The following RGS6 variants were observed in gnomAD, a reference collection of about 807,000 sequenced individuals.
RGS6 encodes the protein regulator of G-protein signaling 6.
RGS6 carries 30 observed loss-of-function variants against 78.5 expected under a neutral mutation model. That is an observed-to-expected ratio of 0.38 (90% CI 0.29 to 0.52). RGS6 has a LOEUF of 0.52. Ranked by LOEUF, RGS6 falls within the 20% of genes least tolerant of loss-of-function variation. The pLI, the probability that RGS6 is intolerant of heterozygous loss-of-function variation, is 0.85. For synonymous variants in RGS6, 206 were observed against 206.0 expected (o/e 1.00, Z 0.00); for missense variants, 495 against 609.7 (o/e 0.81, Z 1.98).
chr14:71,937,325 G>T (rs1336203373), intron 1 of RGS6, among the ~76,000 whole-genome samples: 2 of 152,162 alleles, frequency 1.3e-5, no homozygotes, highest in African/African-American at 4.8e-5. Context: ...TAATGTCTTG[G>T]GAACAGGAAG....
At chr14:72,275,681 TTC>T (rs2060559546) in intron 2 of RGS6, among the ~76,000 whole-genome samples, 1 of 152,232 alleles carries the variant, frequency 6.6e-6, no homozygotes, top group South Asian at 2.1e-4. Flanking sequence ...AGCATCCCAT[TTC>T]TCTTTCTGTC....
In RGS6 at chr14:72,259,087, C is replaced by T. The variant is rs115479952; in HGVS notation, c.85-93008C>T. The stretch of plus-strand genomic sequence containing the variant: ...CTGCAAAAGAGGACATTGCATGGTA[C>T]AGCCTATAGTGTCTGCTACACAGAG... On this transcript the variant is annotated intron_variant, in intron 2 of 17. Coordinates refer to ENST00000553525, the MANE Select transcript of RGS6 (RefSeq NM_001204424.2). Among the ~76,000 whole-genome samples the T allele has an allele frequency of 2.2e-3, 335 of 152,268 alleles. 2 individuals carry two copies. Among genetic ancestry groups the T allele is most frequent in the African/African-American group, 7.6e-3 (316 of 41,552 alleles).
intron 2 of RGS6, among the ~76,000 whole-genome samples, chr14:72,277,737 G>T (rs369602387): frequency 6.6e-6 from 1 of 152,064 alleles, no homozygotes; most frequent in Admixed American, 6.6e-5. Flanking sequence ...AGACCAGCCT[G>T]GTCGACATGG....
At chr14:71,867,936 G>A in the RGS6 span, among the ~76,000 whole-genome samples, 1 of 152,080 alleles carries the variant, frequency 6.6e-6, no homozygotes, top group Non-Finnish European at 1.5e-5. Flanking sequence ...TCCTCTTAAG[G>A]GACTCCACAT....
chr14:72,137,579 A>T (rs546589340), intron 2 of RGS6, among the ~76,000 whole-genome samples: 82 of 152,366 alleles, frequency 5.4e-4, no homozygotes, highest in Non-Finnish European at 8.8e-4. Context: ...TTAATTTGCT[A>T]GAGTGGCTCA....
the RGS6 span, among the ~76,000 whole-genome samples, chr14:72,626,925 C>CT: frequency 0.022 from 3,075 of 139,650 alleles, 71 homozygotes; most frequent in African/African-American, 0.055. Context: ...TGCATTTGAA[C>CT]TTTTTTTTTT....
At chr14:71,982,729 G>A (rs1045156555) in intron 2 of RGS6, among the ~76,000 whole-genome samples, 1 of 152,190 alleles carries the variant, frequency 6.6e-6, no homozygotes, top group Non-Finnish European at 1.5e-5. Flanking sequence ...TCCAATTGCT[G>A]GGCTCATCTT....
intron 2 of RGS6, among the ~76,000 whole-genome samples, chr14:72,281,138 A>G (rs1393620202): frequency 1.3e-5 from 2 of 150,972 alleles, no homozygotes; most frequent in African/African-American, 2.5e-5. Context: ...GAAGTGAAAC[A>G]AGATTCTTTT....
At chr14:71,999,709 TC>T (rs1322169867) in intron 2 of RGS6, among the ~76,000 whole-genome samples, 1 of 152,104 alleles carries the variant, frequency 6.6e-6, no homozygotes, top group East Asian at 1.9e-4. Flanking sequence ...GTGTAGCACT[TC>T]CCCTCTCTCT....
At chr14:72,381,900 A>G (rs1031795165) in intron 3 of RGS6, among the ~76,000 whole-genome samples, 7 of 151,612 alleles carry the variant, frequency 4.6e-5, no homozygotes, top group Admixed American at 4.6e-4. Context: ...AACGTCCTCT[A>G]TTGTTCGGAA....
intron 13 of RGS6, among the ~76,000 whole-genome samples, chr14:72,496,459 T>G (rs945591527): frequency 1.3e-5 from 2 of 152,212 alleles, no homozygotes; most frequent in African/African-American, 4.8e-5. Context: ...AAGCAAGAAC[T>G]GCACAAAAAT....
chr14:71,967,501 A>G (rs1165215341), intron 2 of RGS6, among the ~76,000 whole-genome samples: 1 of 152,204 alleles, frequency 6.6e-6, no homozygotes, highest in African/African-American at 2.4e-5. Flanking sequence ...AGCCAATGAC[A>G]ATTCAAAGCA....
intron 3 of RGS6, among the ~76,000 whole-genome samples, chr14:72,415,383 T>C (rs1338936050): frequency 2.0e-5 from 3 of 152,226 alleles, no homozygotes; most frequent in Admixed American, 6.5e-5. Flanking sequence ...GTTAAGCCCG[T>C]TGGAAAAGGG....
chr14:71,893,429 G>A, the RGS6 span, among the ~76,000 whole-genome samples: 1 of 152,186 alleles, frequency 6.6e-6, no homozygotes, highest in Non-Finnish European at 1.5e-5. Flanking sequence ...GGATTTTTGT[G>A]ACCCTGCTTT....
intron 2 of RGS6, among the ~76,000 whole-genome samples, chr14:71,995,532 T>C (rs74060440): frequency 0.25 from 37,586 of 152,116 alleles, 4,753 homozygotes; most frequent in Admixed American, 0.26. Context: ...GGGGCAGCCA[T>C]GGGAAGTTTC....
At chr14:72,282,967 ACT>A (rs1293166035) in intron 2 of RGS6, among the ~76,000 whole-genome samples, 4 of 151,568 alleles carry the variant, frequency 2.6e-5, no homozygotes, top group African/African-American at 9.7e-5. Flanking sequence ...CCACGATTCT[ACT>A]CTCTGCTTCT....
chr14:72,310,448 C>T (rs551553664), intron 2 of RGS6, among the ~76,000 whole-genome samples: 1 of 152,324 alleles, frequency 6.6e-6, no homozygotes, highest in African/African-American at 2.4e-5. Context: ...GTCTGCTGCC[C>T]ATCCCTTAGA....
In RGS6 at chr14:72,186,385, C is replaced by G. The variant is rs149644; in HGVS notation, c.85-165710C>G. Among the ~76,000 whole-genome samples, 1,096 of 152,324 alleles carry G rather than the reference C, an allele frequency of 7.2e-3. 14 individuals are homozygous for G. The highest frequency in any genetic ancestry group is 0.01 in the Non-Finnish European group (713 of 68,022). ...CCTTAACAGGAGCCTGCAAATTGCCCTTGAGGGAGGTAACTTTTAGCATCT... is the reference window on the plus strand; with the variant it reads ...CCTTAACAGGAGCCTGCAAATTGCCGTTGAGGGAGGTAACTTTTAGCATCT... On this transcript the variant is annotated intron_variant, in intron 2 of 17. Transcript: ENST00000553525.
chr14:72,400,141 G>T (rs1596859214), intron 3 of RGS6, among the ~76,000 whole-genome samples: 3 of 152,312 alleles, frequency 2.0e-5, no homozygotes. Flanking sequence ...CAGAGAGAAA[G>T]GTCGGGTTAC....
Sources: gnomAD v4.1 joint callset for allele counts (sites outside exome capture counted in the v4.1 genomes callset) on GRCh38, gnomAD v4.1.1 for gene constraint, MANE v1.5 for transcripts, NCBI Gene and HGNC (gene_info 2026-07-23, HGNC 2026-07-21) for gene names.